PHKB: variants seen among roughly 807,000 people sequenced by gnomAD.
The protein encoded by PHKB is phosphorylase kinase regulatory subunit beta.
A neutral mutation model predicts 152.1 loss-of-function variants in PHKB; 122 were observed. That is an observed-to-expected ratio of 0.80 (90% CI 0.69 to 0.93). The LOEUF (loss-of-function observed/expected upper bound fraction) is 0.93, where lower values mean the gene tolerates loss of function less well. PHKB is among the 40% of genes least tolerant of loss of function. The probability of loss-of-function intolerance (pLI) is 0.00; values close to 1 mark genes in which losing one functional copy is unlikely to be tolerated. For synonymous variants in PHKB, 436 were observed against 464.9 expected, an observed-to-expected ratio of 0.94 and a Z score of 0.80; for missense variants, 1,304 against 1,328.4, an observed-to-expected ratio of 0.98 and a Z score of 0.29.
intron 6 of PHKB, among the ~76,000 whole-genome samples, chr16:47,536,659 A>C (rs1970957844): frequency 6.6e-6 from 1 of 152,246 alleles, no homozygotes; most frequent in African/African-American, 2.4e-5. Flanking sequence ...ACATATTCAC[A>C]CAAAGTGAGG....
At chr16:47,475,530 T>C (rs1969853540) in intron 1 of PHKB, among the ~76,000 whole-genome samples, 1 of 152,154 alleles carries the variant, frequency 6.6e-6, no homozygotes, top group Admixed American at 6.5e-5. Context: ...TGCTATAGAT[T>C]TGATTAGGGG....
intron 10 of PHKB, among the ~76,000 whole-genome samples, chr16:47,591,881 T>C (rs1972034853): frequency 6.6e-6 from 1 of 152,130 alleles, no homozygotes; most frequent in African/African-American, 2.4e-5. Flanking sequence ...AGATTTAGCC[T>C]CCTAAAAATC....
chr16:47,628,054 C>T (rs1047555926), intron 14 of PHKB, among the ~76,000 whole-genome samples: 5 of 152,052 alleles, frequency 3.3e-5, no homozygotes, highest in Non-Finnish European at 7.4e-5. Context: ...TCTGTAAGGC[C>T]CCCAAAGCAG....
rs368769206 is a variant in PHKB at position 47,603,647 on chromosome 16, G to T, written c.1363+7116G>T. Among the ~76,000 whole-genome samples, 24 of 151,998 alleles carry T rather than the reference G, an allele frequency of 1.6e-4. No homozygotes were observed. The East Asian group carries it at 4.6e-3, about 29-fold the overall frequency. On this transcript the variant is annotated intron_variant, in intron 13 of 30. Coordinates refer to ENST00000323584, the MANE Select transcript of PHKB (RefSeq NM_000293.3). ...GCCTCCCAAGTAGCTGGGGCTACAG[G>T]TGCTCACCACCACGCCCGGCTAATT... is the stretch of plus-strand genomic sequence containing the variant.
intron 1 of PHKB, among the ~76,000 whole-genome samples, chr16:47,471,987 C>T (rs1326137786): frequency 3.3e-5 from 5 of 152,060 alleles, no homozygotes; most frequent in Non-Finnish European, 2.9e-5. Flanking sequence ...ACCCGGGAGG[C>T]GGGTCTTGCA....
chr16:47,590,583 G>C (rs928285918), intron 10 of PHKB: 1 of 152,124 alleles, frequency 6.6e-6, no homozygotes, highest in South Asian at 2.1e-4. Context: ...TACATTTTCT[G>C]TGCCAATATT....
chr16:47,464,224 A>G (rs773270907), intron 1 of PHKB: 8 of 537,996 alleles, frequency 1.5e-5, no homozygotes, highest in Non-Finnish European at 2.3e-5. Flanking sequence ...CTGCCCCGAT[A>G]TTTGCAAGCA....
chr16:47,596,176 A>G (rs553297600), intron 12 of PHKB, among the ~76,000 whole-genome samples, 197 bp from the exon 13 acceptor site: 2 of 152,184 alleles, frequency 1.3e-5, no homozygotes, highest in South Asian at 4.2e-4. Context: ...CTTGCCTGCC[A>G]CCATATAAAA....
At chr16:47,580,435 C>G (rs1432967562) in intron 8 of PHKB, 77 bp downstream of exon 8, 19 of 1,059,536 alleles carry the variant, frequency 1.8e-5, no homozygotes, top group Admixed American at 1.0e-4. Context: ...TTAACAAAGT[C>G]ATTTCCTTAT....
At chr16:47,683,261 T>C (rs1258630732) in intron 26 of PHKB, among the ~76,000 whole-genome samples, 1 of 152,228 alleles carries the variant, frequency 6.6e-6, no homozygotes, top group Non-Finnish European at 1.5e-5. Flanking sequence ...TCCAGCTGTG[T>C]GCTGGGAGAA....
chr16:47,590,901 T>G (rs1285875963), intron 10 of PHKB: 1 of 152,240 alleles, frequency 6.6e-6, no homozygotes, highest in East Asian at 1.9e-4. Flanking sequence ...TCGCAGACTT[T>G]CCTTTTTATT....
At chr16:47,652,078 G>A (rs1019818761) in intron 20 of PHKB, among the ~76,000 whole-genome samples, 4 of 151,254 alleles carry the variant, frequency 2.6e-5, no homozygotes, top group Non-Finnish European at 4.4e-5. Context: ...TATCTCTTTC[G>A]GGGTTTTTTC....
intron 13 of PHKB, among the ~76,000 whole-genome samples, chr16:47,600,635 A>G (rs1292914750): frequency 6.6e-6 from 1 of 152,232 alleles, no homozygotes; most frequent in African/African-American, 2.4e-5. Flanking sequence ...CCTAGCCTAT[A>G]TGATATAGCC....
intron 4 of PHKB, 56 bp downstream of exon 4, chr16:47,503,146 A>C (rs376614121): frequency 3.6e-6 from 4 of 1,107,880 alleles, no homozygotes; most frequent in East Asian, 2.4e-5. Context: ...GATTAATTTA[A>C]CTAGTATCGC....
chr16:47,587,743 C>G lies in PHKB; in HGVS notation c.850C>G (p.Pro284Ala). The change falls in exon 9 of 31, where the codon CCC becomes GCC. Residue 284 changes from proline to alanine, a missense_variant. Coordinates refer to ENST00000323584, the MANE Select transcript of PHKB (RefSeq NM_000293.3). ...CAGGCAAACTTTGTGCTCGCTGTTA[C>G]CCAGAGAATCAAGATCACATGTGAG... is the stretch of plus-strand genomic sequence containing the variant. ...RNRQTLCSLLPRESRSHNTDA... is the reference protein window; with the variant it reads ...RNRQTLCSLLARESRSHNTDA... 3.7e-6 allele frequency: 6 copies of G among 1,611,468 alleles called. No individual in the cohort carries two copies. The highest frequency in any genetic ancestry group is 5.1e-6 in the Non-Finnish European group (6 of 1,177,766).
chr16:47,503,239 C>T, intron 4 of PHKB, 149 bp downstream of exon 4: 2 of 675,848 alleles, frequency 3.0e-6, no homozygotes, highest in South Asian at 3.2e-5. Flanking sequence ...CAGCCTTTGC[C>T]ATTCTAGCCC....
chr16:47,517,300 G>T (rs1410768841), intron 6 of PHKB, among the ~76,000 whole-genome samples: 1 of 149,782 alleles, frequency 6.7e-6, no homozygotes, highest in Non-Finnish European at 1.5e-5. Context: ...TGTCTGCCCA[G>T]GCTGGAGTGC....
At chr16:47,489,240 A>G (rs1040205206) in intron 1 of PHKB, among the ~76,000 whole-genome samples, 1 of 152,164 alleles carries the variant, frequency 6.6e-6, no homozygotes, top group Non-Finnish European at 1.5e-5. Flanking sequence ...TTTAGTAGAG[A>G]TGGGGTTTCA....
At chr16:47,507,624 C>T (rs1042921847) in intron 4 of PHKB, among the ~76,000 whole-genome samples, 1 of 152,134 alleles carries the variant, frequency 6.6e-6, no homozygotes, top group African/African-American at 2.4e-5. Context: ...TCCCAAAGTG[C>T]TAGGATTACA....
Sources: allele counts gnomAD v4.1 joint callset (sites outside exome capture counted in the v4.1 genomes callset), GRCh38; gene constraint gnomAD v4.1.1; transcripts MANE v1.5; gene names NCBI Gene and HGNC (gene_info 2026-07-23, HGNC 2026-07-21).